The following B4GALT6 variants were observed in gnomAD, a reference collection of about 807,000 sequenced individuals.
The protein encoded by B4GALT6 is beta-1,4-galactosyltransferase 6.
Under a neutral mutation model 46.3 loss-of-function variants are expected in B4GALT6, and 14 were observed. The ratio of observed to expected loss-of-function variants is 0.30; its 90% CI spans 0.20 to 0.47. The LOEUF (loss-of-function observed/expected upper bound fraction) is 0.47. Ranked by LOEUF, B4GALT6 falls within the 20% of genes least tolerant of loss-of-function variation. The pLI is 0.99. For synonymous variants in B4GALT6, 168 were observed against 162.0 expected (o/e 1.04, Z -0.28); for missense variants, 386 against 480.1 (o/e 0.80, Z 1.83).
chr18:31,723,650 G>A, the B4GALT6 span, among the ~76,000 whole-genome samples: 1 of 152,008 alleles, frequency 6.6e-6, no homozygotes, highest in Non-Finnish European at 1.5e-5. Flanking sequence ...TTTATTCCCC[G>A]GCAGCCCCTG....
chr18:31,685,405 GA>G (rs1350827143), upstream of B4GALT6, among the ~76,000 whole-genome samples: 1 of 151,518 alleles, frequency 6.6e-6, no homozygotes, highest in Non-Finnish European at 1.5e-5. Flanking sequence ...AGCCGCGGAG[GA>G]AAACCGGGAC....
chr18:31,670,616 C>A (rs1022240341), intron 1 of B4GALT6, among the ~76,000 whole-genome samples: 1 of 152,104 alleles, frequency 6.6e-6, no homozygotes, highest in East Asian at 1.9e-4. Flanking sequence ...GGCTGTTAAC[C>A]GGAAGAAAGT....
chr18:31,633,713 A>C (rs1168346935), intron 5 of B4GALT6, among the ~76,000 whole-genome samples: 1 of 152,142 alleles, frequency 6.6e-6, no homozygotes, highest in East Asian at 1.9e-4. Context: ...CCTTCTCCAG[A>C]GTGCACAGCC....
intron 4 of B4GALT6, among the ~76,000 whole-genome samples, chr18:31,642,125 T>C (rs1029269574): frequency 2.0e-5 from 3 of 152,214 alleles, no homozygotes; most frequent in Non-Finnish European, 4.4e-5. Flanking sequence ...TGCAAGTTCT[T>C]GTTCCTTCCC....
intron 6 of B4GALT6, among the ~76,000 whole-genome samples, chr18:31,628,759 G>A (rs1225940680): frequency 6.6e-6 from 1 of 152,150 alleles, no homozygotes; most frequent in Non-Finnish European, 1.5e-5. Context: ...TTCTCCTAGA[G>A]CTACATTCTA....
intron 1 of B4GALT6, among the ~76,000 whole-genome samples, chr18:31,680,824 A>G (rs1261870481): frequency 2.0e-5 from 3 of 152,158 alleles, no homozygotes; most frequent in Non-Finnish European, 2.9e-5. Context: ...AGCCCCAGAG[A>G]CCTTTCAAAA....
chr18:31,656,877 T>C (rs892443878), intron 3 of B4GALT6, among the ~76,000 whole-genome samples: 2 of 152,150 alleles, frequency 1.3e-5, no homozygotes, highest in Non-Finnish European at 2.9e-5. Flanking sequence ...AAGCCCATGA[T>C]GCAGCAAGTC....
intron 1 of B4GALT6, among the ~76,000 whole-genome samples, chr18:31,676,560 T>A (rs1219522426): frequency 6.6e-6 from 1 of 152,192 alleles, no homozygotes; most frequent in African/African-American, 2.4e-5. Flanking sequence ...TTGGTATGAA[T>A]AATGTATCCG....
At chr18:31,685,005 C>T (rs1179978134), upstream of B4GALT6, among the ~76,000 whole-genome samples, 6 of 146,594 alleles carry the variant, frequency 4.1e-5, no homozygotes, top group East Asian at 1.0e-3. Flanking sequence ...GGGCCGCAAC[C>T]AGCGCGCGCC....
At chr18:31,691,963 A>G in the B4GALT6 span, among the ~76,000 whole-genome samples, 2 of 152,206 alleles carry the variant, frequency 1.3e-5, no homozygotes, top group African/African-American at 2.4e-5. Context: ...TATTAATAAT[A>G]CCAATTTGCC....
chr18:31,684,350 G>T lies in B4GALT6; in HGVS notation c.77C>A (p.Ser26Ter). ...LAFIFFFSLS[S>*]SCLYFIYVAP... ...CACATAGATGAAGTACAGACAGGACGAAGAGAGGGAGAAGAAGAAGATGAA... is the reference window on the plus strand; with the variant it reads ...CACATAGATGAAGTACAGACAGGACTAAGAGAGGGAGAAGAAGAAGATGAA... The change falls in exon 1 of 9, where the codon TCG becomes TAG. Residue 26 changes from serine (S) to a stop codon, truncating the protein, a stop_gained. Transcript: ENST00000306851. LOFTEE classifies it high-confidence loss of function. 6.2e-7 allele frequency: 1 copy of T among 1,613,870 alleles called. No individual in the cohort carries two copies. Among genetic ancestry groups the T allele is most frequent in the Non-Finnish European group, 8.5e-7 (1 of 1,179,924 alleles).
chr18:31,667,016 T>C (rs969919317), intron 1 of B4GALT6, among the ~76,000 whole-genome samples: 1 of 152,358 alleles, frequency 6.6e-6, no homozygotes, highest in South Asian at 2.1e-4. Flanking sequence ...TCAATTTAAT[T>C]ATTCACAATA....
At chr18:31,712,918 TA>T in the B4GALT6 span, among the ~76,000 whole-genome samples, 20 of 152,214 alleles carry the variant, frequency 1.3e-4, no homozygotes, top group Non-Finnish European at 2.8e-4. Flanking sequence ...AGAAATCATA[TA>T]AAAACAATAT....
the B4GALT6 span, among the ~76,000 whole-genome samples, chr18:31,713,361 A>G: frequency 6.6e-6 from 1 of 152,346 alleles, no homozygotes; most frequent in East Asian, 1.9e-4. Context: ...TTAAATATAT[A>G]CAAAAATAAG....
upstream of B4GALT6, chr18:31,684,788 G>A (rs1312408517): frequency 3.8e-5 from 40 of 1,054,618 alleles, no homozygotes; most frequent in Middle Eastern, 4.6e-4. Context: ...CAGGTGGGAG[G>A]AGGCGCAGGC....
upstream of B4GALT6, chr18:31,686,437 C>T (rs1223675053): frequency 6.6e-6 from 1 of 152,158 alleles, no homozygotes; most frequent in Non-Finnish European, 1.5e-5. Context: ...TATAATACCC[C>T]CTTGCAAGGC....
the B4GALT6 span, among the ~76,000 whole-genome samples, chr18:31,716,641 CA>C: frequency 6.6e-6 from 1 of 152,162 alleles, no homozygotes; most frequent in Non-Finnish European, 1.5e-5. Flanking sequence ...TAGCCTGCCC[CA>C]CTTGAATGCC....
chr18:31,720,447 C>T, the B4GALT6 span, among the ~76,000 whole-genome samples: 1 of 152,182 alleles, frequency 6.6e-6, no homozygotes, highest in Non-Finnish European at 1.5e-5. Flanking sequence ...AGGACTTCAG[C>T]TATGGGTGCC....
chr18:31,685,035 G>A (rs2074529943), upstream of B4GALT6, among the ~76,000 whole-genome samples: 1 of 145,998 alleles, frequency 6.8e-6, no homozygotes, highest in South Asian at 2.1e-4. Context: ...GGCCCGCGGG[G>A]GCCCTCGGGG....
Sources: allele counts gnomAD v4.1 joint callset (sites outside exome capture counted in the v4.1 genomes callset), GRCh38; gene constraint gnomAD v4.1.1; transcripts MANE v1.5; gene names NCBI Gene and HGNC (gene_info 2026-07-23, HGNC 2026-07-21).